PDE4D: variants seen among roughly 807,000 people sequenced by gnomAD.
The protein encoded by PDE4D is phosphodiesterase 4D, also known as 3',5'-cyclic-AMP phosphodiesterase 4D.
PDE4D carries 24 observed loss-of-function variants against 87.4 expected under a neutral mutation model. The observed-to-expected ratio is 0.27, with a 90% confidence interval of 0.20 to 0.39. The LOEUF is 0.39. PDE4D is among the 10% of genes least tolerant of loss of function. PDE4D has a pLI of 1.00. For missense variants in PDE4D, 714 were observed against 1,041.0 expected, an observed-to-expected ratio of 0.69 and a Z score of 4.32; for synonymous variants, 384 against 383.2, an observed-to-expected ratio of 1.00 and a Z score of -0.02.
Position 60,327,217 on chromosome 5 carries a change from A to G in PDE4D, c.-89-141530T>C, listed in dbSNP as rs941189917. Among the ~76,000 whole-genome samples, 85 of 152,328 alleles carry G rather than the reference A, an allele frequency of 5.6e-4. 1 individual carries two copies. The highest frequency in any genetic ancestry group is 8.7e-4 in the Non-Finnish European group (59 of 67,996). On this transcript the variant is annotated intron_variant, in intron 1 of 16. Coordinates refer to the PDE4D transcript ENST00000502484. The stretch of plus-strand genomic sequence containing the variant: ...AAATGAAGACCCAAACAAGTGGCCA[A>G]ACCTAAATGCTGTTATACTTGGTTG...
intron 1 of PDE4D, among the ~76,000 whole-genome samples, chr5:59,297,052 A>C (rs1769240971): frequency 2.0e-5 from 3 of 152,160 alleles, no homozygotes; most frequent in Admixed American, 2.0e-4. Context: ...AACCCTTCAG[A>C]TCTTTCTGGA....
chr5:59,038,561 C>G (rs1254853312), intron 6 of PDE4D, among the ~76,000 whole-genome samples: 1 of 152,168 alleles, frequency 6.6e-6, no homozygotes, highest in East Asian at 1.9e-4. Context: ...TTTAAACATG[C>G]AATGCCCATG....
Position 60,390,511 on chromosome 5 carries a change from C to T in PDE4D, c.-90+97431G>A, listed in dbSNP as rs368042814. On this transcript the variant is annotated intron_variant, in intron 1 of 16. Transcript: ENST00000502484. The stretch of plus-strand genomic sequence containing the variant: ...TGTTTGCATCACTTTCCCCCATTCT[C>T]CTTATTAATTAAAATGACTGATCCA... Among the ~76,000 whole-genome samples, 103 of 152,212 alleles carry T rather than the reference C, an allele frequency of 6.8e-4. No individual in the cohort carries two copies. The Middle Eastern group carries it at 0.017, about 25-fold the overall frequency.
At chr5:60,467,286 C>T (rs567203048) in intron 1 of PDE4D, among the ~76,000 whole-genome samples, 1 of 152,274 alleles carries the variant, frequency 6.6e-6, no homozygotes, top group African/African-American at 2.4e-5. Flanking sequence ...GATCTGCCTG[C>T]CTTAGCCTCC....
At chr5:59,714,754 T>C (rs1226052258) in intron 1 of PDE4D, among the ~76,000 whole-genome samples, 1 of 152,232 alleles carries the variant, frequency 6.6e-6, no homozygotes, top group African/African-American at 2.4e-5. Flanking sequence ...CCATCATATG[T>C]CATGGTCTTA....
intron 2 of PDE4D, among the ~76,000 whole-genome samples, chr5:60,060,993 G>A (rs770597424): frequency 9.9e-5 from 15 of 151,970 alleles, no homozygotes; most frequent in Non-Finnish European, 1.9e-4. Context: ...GGCCAAAAGC[G>A]AGAAGCATTC....
At chr5:59,652,804 G>GTT (rs202089635) in intron 1 of PDE4D, among the ~76,000 whole-genome samples, 1 of 143,682 alleles carries the variant, frequency 7.0e-6, no homozygotes, top group Admixed American at 6.9e-5. Flanking sequence ...CTTATTGCAT[G>GTT]TTTTTTTTTT....
At chr5:60,057,269 T>A (rs1030719744) in intron 2 of PDE4D, among the ~76,000 whole-genome samples, 12 of 152,048 alleles carry the variant, frequency 7.9e-5, no homozygotes, top group African/African-American at 2.9e-4. Context: ...CAGCAAGTAA[T>A]CACAGTTGTG....
intron 1 of PDE4D, among the ~76,000 whole-genome samples, chr5:59,570,370 C>A (rs1463205198): frequency 1.3e-5 from 2 of 152,054 alleles, no homozygotes; most frequent in Non-Finnish European, 2.9e-5. Context: ...GGATGTCATA[C>A]AAAATTAACA....
rs542439425 is a variant in PDE4D at position 59,816,745 on chromosome 5, A to G, written c.455+76423T>C. Reference sequence around the variant, plus strand: ...ACACCCTAGGATTTCCATAAAGCTTAGAAGGATTTCCTTCCTAAGAAATAC... The same window carrying G: ...ACACCCTAGGATTTCCATAAAGCTTGGAAGGATTTCCTTCCTAAGAAATAC... On this transcript the variant is annotated intron_variant, in intron 1 of 14. Transcript: ENST00000340635. 1.5e-3 allele frequency among the ~76,000 whole-genome samples: 222 copies of G among 152,292 alleles called. 1 individual carries two copies. Among genetic ancestry groups the G allele is most frequent in the African/African-American group, 5.3e-3 (219 of 41,564 alleles).
rs1319785441 is a variant in PDE4D, at chr5:60,059,662, A to G, written c.43-70945T>C. On this transcript the variant is annotated intron_variant, in intron 2 of 16. Coordinates refer to the PDE4D transcript ENST00000502484. ...GAATTCCAAAACACCACATGCAATGAAGACAGGAAAGGGTACAGGAGTGAC... is the reference window on the plus strand; with the variant it reads ...GAATTCCAAAACACCACATGCAATGGAGACAGGAAAGGGTACAGGAGTGAC... Among the ~76,000 whole-genome samples the G allele has an allele frequency of 3.3e-5, 5 of 152,014 alleles. No individual in the cohort carries two copies. The East Asian group carries it at 9.6e-4, about 29-fold the overall frequency.
At chr5:59,166,243 A>G (rs1781908005) in intron 5 of PDE4D, 1 of 152,222 alleles carries the variant, frequency 6.6e-6, no homozygotes. Flanking sequence ...GTGTGCCACA[A>G]TAATTTAATA....
intron 1 of PDE4D, among the ~76,000 whole-genome samples, chr5:60,319,788 C>T (rs1219858549): frequency 6.6e-6 from 1 of 152,162 alleles, no homozygotes; most frequent in East Asian, 1.9e-4. Flanking sequence ...GCAGAGGCTG[C>T]AGAACAGTGG....
At chr5:59,334,504 C>T (rs950760329) in intron 1 of PDE4D, among the ~76,000 whole-genome samples, 7 of 151,782 alleles carry the variant, frequency 4.6e-5, no homozygotes, top group Admixed American at 6.6e-5. Flanking sequence ...GTGATCTGCC[C>T]GCCTCAGCCT....
At chr5:60,446,602 A>G (rs751371605) in intron 1 of PDE4D, among the ~76,000 whole-genome samples, 8 of 152,192 alleles carry the variant, frequency 5.3e-5, no homozygotes, top group Non-Finnish European at 1.2e-4. Context: ...AGTACAAGTC[A>G]GTTGCATTGA....
At chr5:59,747,156 C>T (rs1236247563) in intron 1 of PDE4D, among the ~76,000 whole-genome samples, 2 of 152,134 alleles carry the variant, frequency 1.3e-5, no homozygotes, top group Admixed American at 1.3e-4. Flanking sequence ...TGCCCCATAA[C>T]CACTGTTAAG....
intron 2 of PDE4D, among the ~76,000 whole-genome samples, chr5:60,024,347 C>G (rs1217652121): frequency 1.3e-5 from 2 of 152,138 alleles, no homozygotes; most frequent in Non-Finnish European, 2.9e-5. Flanking sequence ...TGCTTAGTTG[C>G]ATTTCTTGTT....
At chr5:60,250,236 G>A (rs1241216294) in intron 1 of PDE4D, among the ~76,000 whole-genome samples, 2 of 151,662 alleles carry the variant, frequency 1.3e-5, no homozygotes, top group African/African-American at 4.8e-5. Flanking sequence ...CAACAATATT[G>A]AAGGTTTTTT....
chr5:59,245,925 C>T (rs549365216), intron 1 of PDE4D, among the ~76,000 whole-genome samples: 6 of 151,670 alleles, frequency 4.0e-5, no homozygotes, highest in South Asian at 2.1e-4. Flanking sequence ...CTCTCAAAAG[C>T]GTTTCAAGGA....
Sources: allele counts gnomAD v4.1 joint callset (sites outside exome capture counted in the v4.1 genomes callset), GRCh38; gene constraint gnomAD v4.1.1; transcripts MANE v1.5; gene names NCBI Gene and HGNC (gene_info 2026-07-23, HGNC 2026-07-21).